TTLL5: variants seen among roughly 807,000 people sequenced by gnomAD.
TTLL5 encodes the protein tubulin tyrosine ligase like 5.
A neutral mutation model predicts 168.4 loss-of-function variants in TTLL5; 132 were observed. That is an observed-to-expected ratio of 0.78 (90% CI 0.68 to 0.91). The LOEUF (loss-of-function observed/expected upper bound fraction) is 0.91, where lower values mean the gene tolerates loss of function less well. Ranked by LOEUF, TTLL5 falls within the 40% of genes least tolerant of loss-of-function variation. TTLL5 has a pLI of 0.00. For missense variants in TTLL5, 1,545 were observed against 1,581.5 expected (o/e 0.98, Z 0.39); for synonymous variants, 546 against 558.6 (o/e 0.98, Z 0.32).
At chr14:75,692,458 A>G (rs1434753656) in intron 6 of TTLL5, among the ~76,000 whole-genome samples, 11 of 152,190 alleles carry the variant, frequency 7.2e-5, no homozygotes, top group Admixed American at 6.5e-4. Context: ...TAATATTATT[A>G]TGTTCTGGCC....
chr14:75,827,707 CTTTTTTTTTT>C (rs561078439), intron 28 of TTLL5, among the ~76,000 whole-genome samples: 12 of 53,206 alleles, frequency 2.3e-4, no homozygotes, highest in African/African-American at 7.2e-4. Context: ...TGGCTTGGTT[CTTTTTTTTTT>C]TTTTTTTTTT....
intron 28 of TTLL5, among the ~76,000 whole-genome samples, chr14:75,843,654 G>T (rs1302031589): frequency 6.6e-6 from 1 of 152,214 alleles, no homozygotes; most frequent in Non-Finnish European, 1.5e-5. Flanking sequence ...CTATGCCTCG[G>T]TTGCCTCATC....
At chr14:75,934,470 T>G (rs1481994403) in intron 31 of TTLL5, among the ~76,000 whole-genome samples, 1 of 152,210 alleles carries the variant, frequency 6.6e-6, no homozygotes. Flanking sequence ...AAGATTGTTA[T>G]GATCTGTAAG....
At chr14:75,779,829 T>A (rs2303346) in intron 24 of TTLL5, 127 bp downstream of exon 24, 802,274 of 893,252 alleles carry the variant, frequency 0.9, 362,493 homozygotes, top group Admixed American at 0.92. Context: ...ACTTTGCAGC[T>A]TGGGGAGGGA....
chr14:75,730,952 T>G (rs1284618178), intron 12 of TTLL5, among the ~76,000 whole-genome samples: 1 of 152,072 alleles, frequency 6.6e-6, no homozygotes. Context: ...ACTCCTGACC[T>G]CGTGATCTGC....
At chr14:75,775,707 C>G in intron 22 of TTLL5, 77 bp downstream of exon 22, 1 of 1,528,810 alleles carries the variant, frequency 6.5e-7, no homozygotes, top group Admixed American at 1.9e-5. Flanking sequence ...AGCCTCTGTC[C>G]AACTGGATGG....
intron 31 of TTLL5, chr14:75,930,602 G>A: frequency 1.0e-6 from 1 of 985,298 alleles, no homozygotes. Flanking sequence ...TTCTTGCAGA[G>A]AACAAGAAAT....
intron 2 of TTLL5, 66 bp downstream of exon 2, chr14:75,663,289 C>T: frequency 1.4e-6 from 2 of 1,395,988 alleles, no homozygotes; most frequent in Non-Finnish European, 2.0e-6. Context: ...CTCTTATATA[C>T]TGTTTTACTA....
intron 31 of TTLL5, among the ~76,000 whole-genome samples, chr14:75,918,523 T>G (rs570735109): frequency 9.9e-5 from 15 of 152,218 alleles, no homozygotes; most frequent in African/African-American, 3.6e-4. Flanking sequence ...GGGGTCCCTA[T>G]TACCTTTCAG....
chr14:75,773,593 T>C (rs1466053573), intron 21 of TTLL5, among the ~76,000 whole-genome samples: 2 of 152,008 alleles, frequency 1.3e-5, no homozygotes, highest in Non-Finnish European at 2.9e-5. Context: ...AATTCTTTCT[T>C]GAAAATATAT....
chr14:75,927,289 T>C (rs879687993), intron 31 of TTLL5, among the ~76,000 whole-genome samples: 7 of 152,218 alleles, frequency 4.6e-5, no homozygotes, highest in Non-Finnish European at 8.8e-5. Context: ...ACAATTAAGT[T>C]ATTGTTAACT....
At chr14:75,887,201 C>T in intron 30 of TTLL5, 3 of 995,024 alleles carry the variant, frequency 3.0e-6, no homozygotes, top group South Asian at 9.3e-5. Flanking sequence ...CACCAAATCC[C>T]AATTAATGTT....
intron 6 of TTLL5, among the ~76,000 whole-genome samples, chr14:75,694,212 A>C (rs967039944): frequency 2.0e-5 from 3 of 152,248 alleles, no homozygotes; most frequent in African/African-American, 7.2e-5. Context: ...AACCTGTAAA[A>C]GAGAACAATC....
chr14:75,713,302 G>T (rs1887220016), intron 9 of TTLL5, among the ~76,000 whole-genome samples: 1 of 152,190 alleles, frequency 6.6e-6, no homozygotes, highest in African/African-American at 2.4e-5. Context: ...ACTTACCATT[G>T]TGTTCCAGTT....
chr14:75,731,402 C>T (rs1302678058), intron 12 of TTLL5, among the ~76,000 whole-genome samples: 2 of 151,416 alleles, frequency 1.3e-5, no homozygotes, highest in African/African-American at 4.9e-5. Context: ...CACACACACA[C>T]ACACACACAC....
In TTLL5 at chr14:75,663,141, C is replaced by T. The variant is rs943705648; in HGVS notation, c.-9C>T. 67 of 1,613,270 alleles carry T rather than the reference C, an allele frequency of 4.2e-5. No homozygotes were observed. Among genetic ancestry groups the T allele is most frequent in the Non-Finnish European group, 5.2e-5 (61 of 1,179,814 alleles). ...CCGTCTGCTGACTGCATGACAAACC[C>T]TAAAGGAAATGCCAATCGTGATGGC... On this transcript the variant is annotated 5_prime_UTR_variant, in exon 2 of 32. Transcript: ENST00000298832.
intron 31 of TTLL5, among the ~76,000 whole-genome samples, chr14:75,940,812 A>C (rs2034578237): frequency 6.6e-6 from 1 of 152,234 alleles, no homozygotes; most frequent in Admixed American, 6.5e-5. Flanking sequence ...ATAATAAAAT[A>C]ATCCAGAATA....
In TTLL5 at chr14:75,740,562, A is replaced by G. The variant is rs552245680; in HGVS notation, c.1282-4533A>G. Among the ~76,000 whole-genome samples the G allele has an allele frequency of 3.9e-5, 6 of 152,302 alleles. No homozygotes were observed. In the East Asian group the frequency reaches 1.2e-3, roughly 29 times the overall value. ...GCATGTCTCTCAGACCTGCTGGCTT[A>G]CATTTATTCCAAATTTCTAGATGCT... On this transcript the variant is annotated intron_variant, in intron 15 of 31. Coordinates refer to ENST00000298832, the MANE Select transcript of TTLL5 (RefSeq NM_015072.5).
rs528781381 is a variant in TTLL5 at position 75,722,067 on chromosome 14, T to C, written c.1042+1364T>C. Among the ~76,000 whole-genome samples the C allele has an allele frequency of 5.3e-5, 8 of 152,302 alleles. No homozygotes were observed. The South Asian group carries it at 1.7e-3, about 32-fold the overall frequency. ...GTAACTCAGGTAACTCTTCTAGAAT[T>C]CCATTTCCCCTCATATACCTTATAA... On this transcript the variant is annotated intron_variant, in intron 12 of 31. Coordinates refer to ENST00000298832, the MANE Select transcript of TTLL5 (RefSeq NM_015072.5).
Sources: gnomAD v4.1 joint callset for allele counts (sites outside exome capture counted in the v4.1 genomes callset) on GRCh38, gnomAD v4.1.1 for gene constraint, MANE v1.5 for transcripts, NCBI Gene and HGNC (gene_info 2026-07-23, HGNC 2026-07-21) for gene names.